The following ZNF683 variants were observed in gnomAD, a reference collection of about 807,000 sequenced individuals.
ZNF683 encodes tissue-resident T-cell transcription regulator protein ZNF683.
A neutral mutation model predicts 31.4 loss-of-function variants in ZNF683; 20 were observed. The observed-to-expected ratio is 0.64, with a 90% confidence interval of 0.45 to 0.93. The LOEUF (loss-of-function observed/expected upper bound fraction) is 0.93, where lower values mean the gene tolerates loss of function less well. Among genes scored for constraint, ZNF683 ranks in the 40% least tolerant of loss-of-function variants. The pLI is 0.00. For missense variants in ZNF683, 621 were observed against 637.2 expected (o/e 0.97, Z 0.27); for synonymous variants, 264 against 267.6 (o/e 0.99, Z 0.13).
chr1:26,364,140 A>C (rs959994123), intron 4 of ZNF683, among the ~76,000 whole-genome samples: 2 of 152,212 alleles, frequency 1.3e-5, no homozygotes, highest in African/African-American at 2.4e-5. Flanking sequence ...CTGACTGCCC[A>C]AAAAAATAAA....
Position 26,365,100 on chromosome 1 carries a change from G to A in ZNF683, c.446C>T (p.Ala149Val), listed in dbSNP as rs752069148. Residue 149 changes from alanine to valine, a missense_variant, in exon 4 of 6, where the codon GCC becomes GTC. Ala to Val is a moderately conservative substitution (Grantham distance 64). Transcript: ENST00000349618. ...GGAAGAGCTGTTATGAGAGGAGAAG[G>A]CTGGGCAGGGGGCCCCCTCGCCAGC... Reference protein sequence around the residue: ...ERAGEGAPCPAFSSHNSSSPP... With the variant: ...ERAGEGAPCPVFSSHNSSSPP... 4.4e-6 allele frequency: 7 copies of A among 1,607,082 alleles called. No individual in the cohort carries two copies. In the East Asian group the frequency reaches 6.7e-5, roughly 15 times the overall value.
rs1013970411 is a variant in ZNF683, at chr1:26,364,972, A to G, written c.574T>C (p.Phe192Leu). ...AGGAGAAGTGGGTATCCAGGGTAGA[A>G]GGCGTGGAGGAGAAATGGGAGCTCC... ...SKELPFLLHA[F>L]YPGYPLLLPP... The change falls in exon 4 of 6, where the codon TTC becomes CTC. Residue 192 changes from phenylalanine (F) to leucine (L), a missense_variant. Phe to Leu is a conservative substitution (Grantham distance 22). Coordinates refer to ENST00000349618, the MANE Select transcript of ZNF683 (RefSeq NM_001114759.3). 83 of 1,572,878 alleles carry G rather than the reference A, an allele frequency of 5.3e-5. No individual in the cohort carries two copies. Among genetic ancestry groups the G allele is most frequent in the Non-Finnish European group, 6.3e-5 (73 of 1,162,280 alleles).
chr1:26,374,265 C>G (rs2074720374), upstream of ZNF683: 1 of 1,304,134 alleles, frequency 7.7e-7, no homozygotes, highest in Non-Finnish European at 1.0e-6. Flanking sequence ...CTCCAAGGCA[C>G]TTCCCCACAC....
Position 26,364,656 on chromosome 1 carries a change from C to G in ZNF683, c.890G>C (p.Arg297Pro). ...GCCTGTCTGGGAACTCAATGGGACC[C>G]GCTTTGCTGGAGATGCCATGCCACC... is the stretch of plus-strand genomic sequence containing the variant. Reference protein sequence around the residue: ...ERGGMASPAKRVPLSSQTGTA... With the variant: ...ERGGMASPAKPVPLSSQTGTA... The change falls in exon 4 of 6, where the codon CGG becomes CCG. Residue 297 changes from arginine (R) to proline (P), a missense_variant. By Grantham distance (103) the Arg-to-Pro change is moderately radical (BLOSUM62 -2). Transcript: ENST00000349618. The G allele has an allele frequency of 2.5e-6, 4 of 1,614,018 alleles. No homozygotes were observed. Among genetic ancestry groups the G allele is most frequent in the Non-Finnish European group, 3.4e-6 (4 of 1,179,898 alleles).
intron 3 of ZNF683, 38 bp from the exon 4 acceptor site, chr1:26,365,264 CTG>C: frequency 6.5e-7 from 1 of 1,537,322 alleles, no homozygotes; most frequent in Non-Finnish European, 8.7e-7. Flanking sequence ...TCCCCACAGT[CTG>C]GGGTGAAGTT....
In ZNF683 at chr1:26,363,051, G is replaced by A; in HGVS notation, c.1118C>T (p.Thr373Ile). The A allele has an allele frequency of 6.2e-7, 1 of 1,612,136 alleles. No individual in the cohort carries two copies. The highest frequency in any genetic ancestry group is 1.1e-5 in the South Asian group (1 of 90,636). Reference protein sequence around the residue: ...AHLQKHHLVHTGERPHKCSVC... With the variant: ...AHLQKHHLVHIGERPHKCSVC... The stretch of plus-strand genomic sequence containing the variant: ...CGAGCACTTGTGGGGCCGCTCCCCA[G>A]TGTGCACCAGGTGGTGCTTCTGCAG... Residue 373 changes from threonine (T) to isoleucine (I), a missense_variant, in exon 5 of 6, where the codon ACT (threonine) becomes ATT (isoleucine). By Grantham distance (89) the Thr-to-Ile change is moderately conservative. Coordinates refer to ENST00000349618, the MANE Select transcript of ZNF683 (RefSeq NM_001114759.3).
upstream of ZNF683, among the ~76,000 whole-genome samples, chr1:26,373,924 TC>T (rs1446105279): frequency 6.6e-6 from 1 of 152,146 alleles, no homozygotes; most frequent in African/African-American, 2.4e-5. Context: ...TAGCAGCTCA[TC>T]CAGAGTCACA....
intron 1 of ZNF683, among the ~76,000 whole-genome samples, chr1:26,369,264 AAAAAAAT>A (rs2074606016): frequency 6.6e-6 from 1 of 151,572 alleles, no homozygotes; most frequent in South Asian, 2.1e-4. Flanking sequence ...TAAAATAAAT[AAAAAAAT>A]AAAAAATAAA....
intron 3 of ZNF683, among the ~76,000 whole-genome samples, chr1:26,367,134 G>A (rs1028242052): frequency 1.3e-5 from 2 of 151,948 alleles, no homozygotes; most frequent in South Asian, 4.2e-4. Flanking sequence ...GGGTGGTGGC[G>A]CACACCTGTA....
At position 26,363,739 on chromosome 1, in the gene ZNF683, A is replaced by G. The variant is rs1429408370; in HGVS notation, c.1015-585T>C. ...GCGACAGAATGAGACTCCATATGGAAAAAAAAAAAAAAAAAAAAGATAACT... is the reference window on the plus strand; with the variant it reads ...GCGACAGAATGAGACTCCATATGGAGAAAAAAAAAAAAAAAAAAGATAACT... On this transcript the variant is annotated intron_variant, in intron 4 of 5. Transcript: ENST00000349618. Among the ~76,000 whole-genome samples the G allele has an allele frequency of 1.4e-3, 20 of 14,188 alleles. 1 individual carries two copies. In the Middle Eastern group the frequency reaches 0.13, roughly 93 times the overall value. The allele number at this position is 14,188 out of a possible 152,430, so 9.3% of individuals were successfully genotyped here.
rs749381677 is a variant in ZNF683, at chr1:26,368,508, C to T, written c.64G>A (p.Gly22Arg). The T allele has an allele frequency of 5.3e-5, 85 of 1,605,898 alleles. No individual in the cohort carries two copies. Among genetic ancestry groups the T allele is most frequent in the Non-Finnish European group, 6.9e-5 (81 of 1,176,210 alleles). The change falls in exon 2 of 6, where the codon GGG (glycine) becomes AGG (arginine). Residue 22 changes from glycine to arginine, a missense_variant. Transcript: ENST00000349618. ...CHRPMALGGT[G>R]GSLSPSLDFQ... ...TCCAGGCTGGGGGACAGGGAGCCCC[C>T]TGTACCTCCCAGGGCCATGGGCCTA...
In ZNF683 at chr1:26,363,117, T is replaced by TG; in HGVS notation, c.1051dup (p.Gln351ProfsTer42). The TG allele has an allele frequency of 6.2e-7, 1 of 1,612,728 alleles. No homozygotes were observed. The highest frequency in any genetic ancestry group is 1.1e-5 in the South Asian group (1 of 90,758). The stretch of plus-strand genomic sequence containing the variant: ...GAAGCTCTTCTGGCACAAGGCACAC[T>TG]GGAATGGACGCTCTCCACTGTGCAC... On this transcript the variant is annotated frameshift_variant, in exon 5 of 6. Transcript: ENST00000349618. LOFTEE classifies it high-confidence loss of function.
At chr1:26,374,373 T>C, upstream of ZNF683, 1 of 1,287,212 alleles carries the variant, frequency 7.8e-7, no homozygotes, top group Non-Finnish European at 1.0e-6. Flanking sequence ...TAGAAAAAAA[T>C]AAAAAAGGAA....
In ZNF683 at chr1:26,366,696, G is replaced by A. The variant is rs138707831; in HGVS notation, c.319+897C>T. Among the ~76,000 whole-genome samples, 894 of 151,982 alleles carry A rather than the reference G, an allele frequency of 5.9e-3. 2 individuals carry two copies. The highest frequency in any genetic ancestry group is 0.02 in the African/African-American group (846 of 41,478). ...TTTTGAGATGGAGTCTCGCTCAGTC[G>A]CCCAGGCTGAGTGCAGTGGTGCCAT... On this transcript the variant is annotated intron_variant, in intron 3 of 5. Transcript: ENST00000349618.
At chr1:26,374,262 G>A, upstream of ZNF683, 3 of 1,303,964 alleles carry the variant, frequency 2.3e-6, no homozygotes, top group Non-Finnish European at 3.0e-6. Flanking sequence ...CCCCTCCAAG[G>A]CACTTCCCCA....
chr1:26,368,636 G>A (rs112084720), intron 1 of ZNF683, 51 bp from the exon 2 acceptor site: 2 of 1,519,506 alleles, frequency 1.3e-6, no homozygotes, highest in East Asian at 2.4e-5. Context: ...CCAAATAGGA[G>A]TCTGAGTTCT....
At chr1:26,362,862 A>C (rs1295065725) in intron 5 of ZNF683, among the ~76,000 whole-genome samples, 164 bp downstream of exon 5, 1 of 151,872 alleles carries the variant, frequency 6.6e-6, no homozygotes, top group African/African-American at 2.4e-5. Context: ...CTTCAGTATT[A>C]CCCATTCCAG....
At chr1:26,362,635 G>C (rs1306800771) in intron 5 of ZNF683, among the ~76,000 whole-genome samples, 1 of 152,146 alleles carries the variant, frequency 6.6e-6, no homozygotes, top group African/African-American at 2.4e-5. Context: ...TGTAAAATGG[G>C]AAAGAACCCC....
rs563625566 is a variant in ZNF683 at position 26,368,603 on chromosome 1, T to C, written c.-14-18A>G. On this transcript the variant is annotated intron_variant, in intron 1 of 5. Transcript: ENST00000349618. ...ATTACCTGCTGGGAAACAGGTGAGT[T>C]AGAGGTAAGCTGTGAAGGTCCTCCA... 1 of 1,576,938 alleles carries C rather than the reference T, an allele frequency of 6.3e-7. No homozygotes were observed. Among genetic ancestry groups the C allele is most frequent in the African/African-American group, 1.4e-5 (1 of 73,460 alleles).
Sources: gnomAD v4.1 joint callset for allele counts (sites outside exome capture counted in the v4.1 genomes callset) on GRCh38, gnomAD v4.1.1 for gene constraint, MANE v1.5 for transcripts, NCBI Gene and HGNC (gene_info 2026-07-23, HGNC 2026-07-21) for gene names.